Variants in CCNB3 observed in about 807,000 individuals in gnomAD.
The protein encoded by CCNB3 is G2/mitotic-specific cyclin-B3.
CCNB3 carries 12 observed loss-of-function variants against 68.0 expected under a neutral mutation model. The ratio of observed to expected loss-of-function variants is 0.18; its 90% CI spans 0.11 to 0.29. The LOEUF is 0.29. Ranked by LOEUF, CCNB3 falls within the 10% of genes least tolerant of loss-of-function variation. The pLI is 1.00. For missense variants in CCNB3, 904 were observed against 993.1 expected, an observed-to-expected ratio of 0.91 and a Z score of 1.21; for synonymous variants, 354 against 388.9, an observed-to-expected ratio of 0.91 and a Z score of 1.06.
At chrX:50,345,768 C>T (rs186388252) in intron 9 of CCNB3, among the ~76,000 whole-genome samples, 3 of 111,601 alleles carry the variant, frequency 2.7e-5, no homozygotes, top group African/African-American at 9.8e-5. Context: ...CACAGAGCAG[C>T]GGAAGAGAGA....
chrX:50,279,415 A>AATATATAAATATATATAAATAT (rs1936038197), intron 1 of CCNB3, among the ~76,000 whole-genome samples: 1 of 76,758 alleles, frequency 1.3e-5, no homozygotes, highest in Non-Finnish European at 2.2e-5. Flanking sequence ...GAAATATATA[A>AATATATAAATATATATAAATAT]ATATATAAAT....
chrX:50,322,668 A>C (rs1372364063), intron 8 of CCNB3, among the ~76,000 whole-genome samples: 3 of 111,911 alleles, frequency 2.7e-5, no homozygotes, highest in Non-Finnish European at 3.8e-5. Flanking sequence ...TTTGCAATCT[A>C]CTCATCTGAC....
chrX:50,280,513 A>C (rs889637342), intron 1 of CCNB3, among the ~76,000 whole-genome samples: 106 of 109,101 alleles, frequency 9.7e-4, no homozygotes, highest in African/African-American at 3.4e-3. Context: ...AAAATTTTAT[A>C]GTAGGTAGCA....
At chrX:50,210,996 T>G (rs1208576677) in intron 1 of CCNB3, among the ~76,000 whole-genome samples, 2 of 111,719 alleles carry the variant, frequency 1.8e-5, no homozygotes, top group South Asian at 3.7e-4. Flanking sequence ...GTGCAGTGGC[T>G]CACACCTGTA....
chrX:50,223,348 GT>G (rs1230937331), intron 1 of CCNB3, among the ~76,000 whole-genome samples: 1 of 111,442 alleles, frequency 9.0e-6, no homozygotes, highest in Non-Finnish European at 1.9e-5. Flanking sequence ...AGGCATTCTG[GT>G]TTTTGGAATT....
chrX:50,338,992 A>G (rs782597351), intron 8 of CCNB3, among the ~76,000 whole-genome samples: 1 of 112,357 alleles, frequency 8.9e-6, no homozygotes, highest in Non-Finnish European at 1.9e-5. Flanking sequence ...GTATCTTTAT[A>G]GCAATGCCCC....
intron 5 of CCNB3, among the ~76,000 whole-genome samples, chrX:50,299,432 G>T (rs1302403236): frequency 9.0e-6 from 1 of 111,507 alleles, no homozygotes; most frequent in Non-Finnish European, 1.9e-5. Flanking sequence ...TTTCCATGTA[G>T]TTGAACGGTT....
chrX:50,313,222 C>A (rs1343145437), intron 7 of CCNB3, among the ~76,000 whole-genome samples: 1 of 111,136 alleles, frequency 9.0e-6, no homozygotes, highest in Non-Finnish European at 1.9e-5. Context: ...ATCTACCAAG[C>A]AGAATTTTTA....
intron 8 of CCNB3, among the ~76,000 whole-genome samples, chrX:50,340,675 G>T (rs12686989): frequency 0.024 from 2,702 of 111,898 alleles, 74 homozygotes; most frequent in African/African-American, 0.085. Context: ...ATAAGATGTA[G>T]GCTTGAAGGG....
chrX:50,349,262 C>T (rs1923551792), intron 11 of CCNB3, among the ~76,000 whole-genome samples: 1 of 111,897 alleles, frequency 8.9e-6, no homozygotes, highest in African/African-American at 3.2e-5. Flanking sequence ...AAGACATCCC[C>T]TATGGATAGA....
chrX:50,312,096 A>G (rs1921494567), intron 6 of CCNB3, among the ~76,000 whole-genome samples: 1 of 110,531 alleles, frequency 9.0e-6, no homozygotes, highest in African/African-American at 3.3e-5. Context: ...AAGGGATGAT[A>G]TTTAGCAAGC....
At chrX:50,226,680 C>G (rs1176845681) in intron 1 of CCNB3, among the ~76,000 whole-genome samples, 1 of 36,343 alleles carries the variant, frequency 2.8e-5, no homozygotes, top group Non-Finnish European at 5.0e-5. Flanking sequence ...TAGAACATAT[C>G]TATAAATATA....
chrX:50,346,562 C>G, intron 9 of CCNB3, 90 bp from the exon 10 acceptor site: 1 of 916,274 alleles, frequency 1.1e-6, no homozygotes, highest in Non-Finnish European at 1.5e-6. Flanking sequence ...GCCAGGAAAT[C>G]CTTCACCCTT....
intron 5 of CCNB3, among the ~76,000 whole-genome samples, chrX:50,307,810 A>G (rs1921162269): frequency 9.0e-6 from 1 of 111,333 alleles, no homozygotes; most frequent in Admixed American, 9.5e-5. Context: ...TGGTCTTTAG[A>G]AGGTATTTAC....
chrX:50,215,085 G>C (rs1057388820), intron 1 of CCNB3, among the ~76,000 whole-genome samples: 1 of 110,539 alleles, frequency 9.0e-6, no homozygotes, highest in Non-Finnish European at 1.9e-5. Flanking sequence ...CGCCTCCCGG[G>C]TTCATGCCAT....
intron 8 of CCNB3, among the ~76,000 whole-genome samples, chrX:50,332,523 C>T (rs1250489316): frequency 9.0e-6 from 1 of 111,599 alleles, no homozygotes; most frequent in Non-Finnish European, 1.9e-5. Context: ...CACGATGATC[C>T]TCCTCATGCT....
chrX:50,304,384 C>T (rs1439836383), intron 5 of CCNB3, among the ~76,000 whole-genome samples: 5 of 111,472 alleles, frequency 4.5e-5, no homozygotes, highest in Non-Finnish European at 9.4e-5. Context: ...ACAAACCTGA[C>T]AAAAACAAGA....
intron 11 of CCNB3, 72 bp from the exon 12 acceptor site, chrX:50,351,169 C>G (rs1923660596): frequency 8.8e-7 from 1 of 1,137,325 alleles, no homozygotes; most frequent in African/African-American, 1.8e-5. Flanking sequence ...GAAGCTTAGA[C>G]TTGGGATAGC....
At chrX:50,279,702 G>A (rs1936065108) in intron 1 of CCNB3, among the ~76,000 whole-genome samples, 1 of 88,549 alleles carries the variant, frequency 1.1e-5, no homozygotes, top group Admixed American at 1.6e-4. Context: ...ACATATATGT[G>A]AATATGTATA....
Sources: gnomAD v4.1 joint callset for allele counts (sites outside exome capture counted in the v4.1 genomes callset) on GRCh38, gnomAD v4.1.1 for gene constraint, MANE v1.5 for transcripts, NCBI Gene and HGNC (gene_info 2026-07-23, HGNC 2026-07-21) for gene names.